The following MYO9A variants were observed in gnomAD, a reference collection of about 807,000 sequenced individuals.
MYO9A encodes myosin IXA.
MYO9A carries 103 observed loss-of-function variants against 293.3 expected under a neutral mutation model. The observed-to-expected ratio is 0.35, with a 90% CI of 0.30 to 0.41. The LOEUF is 0.41. Among genes scored for constraint, MYO9A ranks in the 10% least tolerant of loss-of-function variants. The probability of loss-of-function intolerance (pLI) is 1.00; values close to 1 mark genes in which losing one functional copy is unlikely to be tolerated. For synonymous variants in MYO9A, 1,001 were observed against 1,035.7 expected (o/e 0.97, Z 0.64); for missense variants, 2,685 against 3,033.0 (o/e 0.89, Z 2.69).
chr15:72,072,094 A>G (rs1424731368), intron 1 of MYO9A, among the ~76,000 whole-genome samples: 1 of 149,676 alleles, frequency 6.7e-6, no homozygotes, highest in Non-Finnish European at 1.5e-5. Flanking sequence ...AAAAAAGTAT[A>G]TATAATATAC....
intron 1 of MYO9A, among the ~76,000 whole-genome samples, chr15:72,102,252 C>A (rs1252496045): frequency 6.6e-6 from 1 of 150,452 alleles, no homozygotes; most frequent in Non-Finnish European, 1.5e-5. Flanking sequence ...AAGGGCGGTG[C>A]AAGATGTGCT....
In MYO9A at chr15:71,938,906, C is replaced by T. The variant is rs1268583126; in HGVS notation, c.2324G>A (p.Arg775Lys). Residue 775 changes from arginine to lysine, a missense_variant, in exon 16 of 42, where the codon AGA (arginine) becomes AAA (lysine). By Grantham distance (26) the Arg-to-Lys change is conservative (BLOSUM62 2). Transcript: ENST00000356056. Reference protein sequence around the residue: ...EKYSITRKNPRTPLSDLQGMN... With the variant: ...EKYSITRKNPKTPLSDLQGMN... ...GCCCTGGAGATCAGAAAGAGGTGTTCTGGGATTTTTCCGGGTTATACCTAG... is the reference window on the plus strand; with the variant it reads ...GCCCTGGAGATCAGAAAGAGGTGTTTTGGGATTTTTCCGGGTTATACCTAG... 1.2e-6 allele frequency: 2 copies of T among 1,610,386 alleles called. No individual in the cohort carries two copies. Among genetic ancestry groups the T allele is most frequent in the South Asian group, 2.2e-5 (2 of 90,552 alleles).
At chr15:71,833,315 A>G (rs1300801641) in intron 39 of MYO9A, among the ~76,000 whole-genome samples, 2 of 152,130 alleles carry the variant, frequency 1.3e-5, no homozygotes, top group African/African-American at 4.8e-5. Context: ...CCATGCAAAT[A>G]CCAAAATAAA....
chr15:71,846,326 T>TATCA (rs1010584121), intron 39 of MYO9A, among the ~76,000 whole-genome samples: 3 of 152,060 alleles, frequency 2.0e-5, no homozygotes, highest in African/African-American at 7.2e-5. Flanking sequence ...CTGCCTCCCC[T>TATCA]ATCACTCCTC....
chr15:71,907,092 C>G (rs187213613), intron 19 of MYO9A, among the ~76,000 whole-genome samples: 24 of 142,046 alleles, frequency 1.7e-4, no homozygotes, highest in Admixed American at 1.0e-3. Flanking sequence ...ATCCCTCCCC[C>G]CTCCCCCTAC....
At chr15:71,947,680 G>A (rs899446366) in intron 15 of MYO9A, among the ~76,000 whole-genome samples, 5 of 152,128 alleles carry the variant, frequency 3.3e-5, no homozygotes, top group African/African-American at 1.2e-4. Flanking sequence ...TGATACCTGA[G>A]GTTAGGGACA....
intron 11 of MYO9A, among the ~76,000 whole-genome samples, chr15:71,981,735 G>T (rs1013850472): frequency 6.7e-6 from 1 of 149,668 alleles, no homozygotes; most frequent in South Asian, 2.1e-4. Flanking sequence ...TTTTGGTTTG[G>T]TTGATCCTCT....
At chr15:71,996,381 A>C (rs2076699057) in intron 9 of MYO9A, among the ~76,000 whole-genome samples, 2 of 152,222 alleles carry the variant, frequency 1.3e-5, no homozygotes, top group African/African-American at 4.8e-5. Context: ...AAAATACCAT[A>C]GTCATAGAAT....
intron 18 of MYO9A, among the ~76,000 whole-genome samples, chr15:71,925,333 GTATATGTACATA>G (rs1567278629): frequency 2.7e-4 from 14 of 50,920 alleles, no homozygotes; most frequent in Admixed American, 8.3e-4. Flanking sequence ...ACATATATAC[GTATATGTACATA>G]TATACTTACA....
At chr15:71,883,387 G>GA (rs1470463993) in intron 28 of MYO9A, among the ~76,000 whole-genome samples, 1 of 152,122 alleles carries the variant, frequency 6.6e-6, no homozygotes, top group East Asian at 1.9e-4. Context: ...CTGCTTCATT[G>GA]TTTTGTGATG....
chr15:72,092,422 T>C (rs969268092), intron 1 of MYO9A, among the ~76,000 whole-genome samples: 1 of 152,096 alleles, frequency 6.6e-6, no homozygotes, highest in Non-Finnish European at 1.5e-5. Flanking sequence ...GGTATAAATA[T>C]TTTAGGCCTT....
chr15:72,020,883 C>A, intron 5 of MYO9A, 35 bp downstream of exon 5: 1 of 1,294,560 alleles, frequency 7.7e-7, no homozygotes, highest in Non-Finnish European at 1.0e-6. Flanking sequence ...TTTAATACTG[C>A]CCTATACTTC....
At chr15:71,943,559 A>G (rs1233087398) in intron 15 of MYO9A, among the ~76,000 whole-genome samples, 1 of 152,118 alleles carries the variant, frequency 6.6e-6, no homozygotes, top group Non-Finnish European at 1.5e-5. Flanking sequence ...TTCAAAGTTA[A>G]ACATATATAT....
intron 26 of MYO9A, among the ~76,000 whole-genome samples, chr15:71,889,168 T>G (rs547452660): frequency 6.6e-6 from 1 of 152,140 alleles, no homozygotes; most frequent in South Asian, 2.1e-4. Flanking sequence ...GATAGAACTC[T>G]AGAGATCTAC....
chr15:71,906,132 T>G (rs2057630917), intron 19 of MYO9A, among the ~76,000 whole-genome samples: 1 of 152,156 alleles, frequency 6.6e-6, no homozygotes, highest in African/African-American at 2.4e-5. Context: ...TCTAAATATT[T>G]GGGGATTGAT....
In MYO9A at chr15:71,854,364, G is replaced by A. The variant is rs2055778818; in HGVS notation, c.6346+13C>T. Reference sequence around the variant, plus strand: ...AAAAGTATTTCATTATGATTTAGAGGGCACTATCTTACCTGTATCTAGACC... The same window carrying A: ...AAAAGTATTTCATTATGATTTAGAGAGCACTATCTTACCTGTATCTAGACC... On this transcript the variant is annotated intron_variant, in intron 35 of 41. Transcript: ENST00000356056. The A allele has an allele frequency of 1.4e-6, 2 of 1,456,942 alleles. No homozygotes were observed. The highest frequency in any genetic ancestry group is 1.8e-6 in the Non-Finnish European group (2 of 1,102,498). 90.3% of individuals were successfully genotyped at this position (1,456,942 alleles called of 1,614,324 possible). A position where few individuals can be genotyped will look rare whatever the true frequency, so the allele number is the denominator to read the frequency against.
chr15:71,895,708 A>G (rs1290984710), intron 25 of MYO9A, among the ~76,000 whole-genome samples: 1 of 152,032 alleles, frequency 6.6e-6, no homozygotes, highest in Non-Finnish European at 1.5e-5. Context: ...AATCTAATAT[A>G]TAATAATTTT....
intron 19 of MYO9A, among the ~76,000 whole-genome samples, chr15:71,915,618 C>G (rs1407685724): frequency 2.0e-5 from 3 of 152,056 alleles, no homozygotes; most frequent in African/African-American, 7.2e-5. Context: ...GTTCAAACAT[C>G]CTAGCTGCAA....
At chr15:71,886,379 C>T (rs145650196) in intron 27 of MYO9A, among the ~76,000 whole-genome samples, 225 of 152,034 alleles carry the variant, frequency 1.5e-3, no homozygotes, top group African/African-American at 4.7e-3. Context: ...ACTCTTTGAA[C>T]CATTTGCTTA....
Sources: allele counts gnomAD v4.1 joint callset (sites outside exome capture counted in the v4.1 genomes callset), GRCh38; gene constraint gnomAD v4.1.1; transcripts MANE v1.5; gene names NCBI Gene and HGNC (gene_info 2026-07-23, HGNC 2026-07-21).